TMEM108: variants seen among roughly 807,000 people sequenced by gnomAD.
TMEM108 encodes the protein transmembrane protein 108, also known as cancer/testis antigen 124.
TMEM108 carries 12 observed loss-of-function variants against 35.1 expected under a neutral mutation model. The observed-to-expected ratio is 0.34, with a 90% CI of 0.22 to 0.55. The LOEUF (loss-of-function observed/expected upper bound fraction) is 0.55, where lower values mean the gene tolerates loss of function less well. TMEM108 is among the 20% of genes least tolerant of loss of function. TMEM108 has a pLI of 0.89. For synonymous variants in TMEM108, 287 were observed against 308.6 expected, an observed-to-expected ratio of 0.93 and a Z score of 0.73; for missense variants, 680 against 753.3, an observed-to-expected ratio of 0.90 and a Z score of 1.14.
intron 2 of TMEM108, among the ~76,000 whole-genome samples, chr3:133,155,141 G>A (rs1944861546): frequency 6.6e-6 from 1 of 152,086 alleles, no homozygotes. Context: ...CGTTTGGTAA[G>A]GATAATGGCC....
At chr3:133,145,496 G>A (rs931934658) in intron 2 of TMEM108, among the ~76,000 whole-genome samples, 10 of 152,068 alleles carry the variant, frequency 6.6e-5, no homozygotes, top group Admixed American at 3.9e-4. Context: ...TTCTAATTCT[G>A]TGAAGAAAGT....
At chr3:133,210,192 A>G (rs1257249788) in intron 2 of TMEM108, among the ~76,000 whole-genome samples, 2 of 152,214 alleles carry the variant, frequency 1.3e-5, no homozygotes, top group Non-Finnish European at 2.9e-5. Context: ...CTGTGGCTCT[A>G]GTACTCTCTG....
chr3:133,110,112 A>G (rs1944207167), intron 2 of TMEM108, among the ~76,000 whole-genome samples: 1 of 152,040 alleles, frequency 6.6e-6, no homozygotes, highest in African/African-American at 2.4e-5. Context: ...CTTCCCTCAG[A>G]GGATCAGTGA....
intron 3 of TMEM108, among the ~76,000 whole-genome samples, chr3:133,347,798 A>G (rs1409019619): frequency 1.2e-4 from 18 of 152,076 alleles, no homozygotes. Flanking sequence ...TAGAATATAT[A>G]AAGAAATTTT....
intron 2 of TMEM108, among the ~76,000 whole-genome samples, chr3:133,213,055 A>G (rs1440756569): frequency 6.6e-6 from 1 of 152,108 alleles, no homozygotes; most frequent in Non-Finnish European, 1.5e-5. Context: ...TTCATTTGTG[A>G]CTTATGCTAT....
intron 2 of TMEM108, among the ~76,000 whole-genome samples, chr3:133,085,579 T>C (rs1190076046): frequency 1.3e-5 from 2 of 152,142 alleles, no homozygotes; most frequent in African/African-American, 4.8e-5. Flanking sequence ...CAATCAATTA[T>C]AGTCATTATT....
At chr3:133,059,482 A>AAGAG (rs1943511504) in intron 2 of TMEM108, among the ~76,000 whole-genome samples, 1 of 152,032 alleles carries the variant, frequency 6.6e-6, no homozygotes, top group South Asian at 2.1e-4. Flanking sequence ...TCTCTTTCTT[A>AAGAG]TAACTCTGTG....
chr3:133,218,054 G>A (rs1299754970), intron 2 of TMEM108, among the ~76,000 whole-genome samples: 1 of 151,942 alleles, frequency 6.6e-6, no homozygotes, highest in Non-Finnish European at 1.5e-5. Context: ...CATGAACATA[G>A]GATGTCTTTC....
At chr3:133,141,653 G>A (rs1257812146) in intron 2 of TMEM108, among the ~76,000 whole-genome samples, 1 of 152,152 alleles carries the variant, frequency 6.6e-6, no homozygotes, top group Non-Finnish European at 1.5e-5. Flanking sequence ...CCAAGGAGAT[G>A]TCATTGTCTC....
At chr3:133,165,474 C>T (rs1278386544) in intron 2 of TMEM108, among the ~76,000 whole-genome samples, 1 of 152,122 alleles carries the variant, frequency 6.6e-6, no homozygotes, top group Non-Finnish European at 1.5e-5. Context: ...AAAAACTCCT[C>T]ATGACATATT....
intron 2 of TMEM108, among the ~76,000 whole-genome samples, chr3:133,190,323 A>G (rs1945480424): frequency 6.6e-6 from 1 of 152,154 alleles, no homozygotes; most frequent in Admixed American, 6.5e-5. Flanking sequence ...AGGGGAAGAA[A>G]CAATACTTAG....
At position 133,380,426 on chromosome 3, in the gene TMEM108, A is replaced by C; in HGVS notation, c.715A>C (p.Thr239Pro). The C allele has an allele frequency of 4.3e-6, 7 of 1,613,490 alleles. No homozygotes were observed. The highest frequency in any genetic ancestry group is 5.9e-6 in the Non-Finnish European group (7 of 1,179,660). The change falls in exon 4 of 6, where the codon ACC becomes CCC. Residue 239 changes from threonine (T) to proline (P), a missense_variant. By Grantham distance (38) the Thr-to-Pro change is conservative (BLOSUM62 -1). Coordinates refer to ENST00000321871, the MANE Select transcript of TMEM108 (RefSeq NM_023943.4). This position sits in a 1 kb window ranked among gnomAD's most constrained non-coding sequence, Gnocchi z 5.3. ...GGAGCCCTCTACCCTCACCCCCAGGACCCCACTCTGGGGCTACTCCTCTTC... is the reference window on the plus strand; with the variant it reads ...GGAGCCCTCTACCCTCACCCCCAGGCCCCCACTCTGGGGCTACTCCTCTTC... ...EPEPSTLTPR[T>P]PLWGYSSSPQ...
In TMEM108 at chr3:133,397,020, TG is replaced by T. The variant is rs1419908488; in HGVS notation, c.*1036del. 6.6e-6 allele frequency: 1 copy of T among 152,194 alleles called. No homozygotes were observed. The highest frequency in any genetic ancestry group is 1.5e-5 in the Non-Finnish European group (1 of 68,034). The allele number at this position is 152,194 out of a possible 1,614,324, so 9.4% of individuals were successfully genotyped here. A position where few individuals can be genotyped will look rare whatever the true frequency, so the allele number is the denominator to read the frequency against. On this transcript the variant is annotated 3_prime_UTR_variant, in exon 6 of 6. Transcript: ENST00000321871. ...GAGAAGACATCATTATACTCCTACT[TG>T]GCACTGCAAACCTGCTCGCAGCACC...
intron 2 of TMEM108, among the ~76,000 whole-genome samples, chr3:133,053,958 T>C (rs779189802): frequency 6.6e-6 from 1 of 152,194 alleles, no homozygotes; most frequent in Non-Finnish European, 1.5e-5. Context: ...CTTTATACCA[T>C]GCAATTTTAG....
intron 2 of TMEM108, among the ~76,000 whole-genome samples, chr3:133,209,318 G>T (rs1945803128): frequency 6.6e-6 from 1 of 151,990 alleles, no homozygotes; most frequent in African/African-American, 2.4e-5. Context: ...GGGATTATAG[G>T]CATGAGCCAC....
chr3:133,266,476 A>G (rs1471366206), intron 3 of TMEM108, among the ~76,000 whole-genome samples: 3 of 152,228 alleles, frequency 2.0e-5, no homozygotes, highest in African/African-American at 7.2e-5. Context: ...GTAGGTCCTC[A>G]CATGACACAT....
intron 3 of TMEM108, among the ~76,000 whole-genome samples, chr3:133,340,536 A>G (rs2071630102): frequency 6.6e-6 from 1 of 151,850 alleles, no homozygotes; most frequent in Non-Finnish European, 1.5e-5. Flanking sequence ...CAAAAAATAG[A>G]GGAGAGAATA....
intron 2 of TMEM108, among the ~76,000 whole-genome samples, chr3:133,058,337 A>C (rs1040632447): frequency 6.6e-6 from 1 of 152,196 alleles, no homozygotes; most frequent in African/African-American, 2.4e-5. Flanking sequence ...GGCTGGGCCT[A>C]GGAAGGATTG....
chr3:133,224,940 C>T (rs943740756), intron 2 of TMEM108, among the ~76,000 whole-genome samples: 19 of 152,074 alleles, frequency 1.2e-4, no homozygotes. Context: ...GTTGCCTCTC[C>T]TGTCTCAATA....
Sources: gnomAD v4.1 joint callset for allele counts (sites outside exome capture counted in the v4.1 genomes callset) on GRCh38, gnomAD v4.1.1 for gene constraint, Gnocchi (gnomAD v3.1) non-coding constraint, MANE v1.5 for transcripts, NCBI Gene and HGNC (gene_info 2026-07-23, HGNC 2026-07-21) for gene names.